SVEP1: variants seen among roughly 807,000 people sequenced by gnomAD.
SVEP1 encodes the protein sushi, von Willebrand factor type A, EGF and pentraxin domain containing 1.
Under a neutral mutation model 367.3 loss-of-function variants are expected in SVEP1, and 164 were observed. The observed-to-expected ratio is 0.45, with a 90% confidence interval of 0.39 to 0.51. The LOEUF (loss-of-function observed/expected upper bound fraction) is 0.51. Among genes scored for constraint, SVEP1 ranks in the 20% least tolerant of loss-of-function variants. The pLI is 0.00. For missense variants in SVEP1, 4,117 were observed against 4,425.3 expected (o/e 0.93, Z 1.98); for synonymous variants, 1,666 against 1,611.6 (o/e 1.03, Z -0.81).
intron 40 of SVEP1, among the ~76,000 whole-genome samples, chr9:110,400,357 G>A (rs955163422): frequency 3.3e-5 from 5 of 150,036 alleles, no homozygotes; most frequent in Non-Finnish European, 5.9e-5. Flanking sequence ...TTTTTTATTT[G>A]AGACTTATTT....
At chr9:110,434,283 G>A in intron 30 of SVEP1, 53 bp downstream of exon 30, 1 of 1,535,450 alleles carries the variant, frequency 6.5e-7, no homozygotes, top group Non-Finnish European at 8.9e-7. Context: ...AAAGAGTTAT[G>A]TTTTCAATAT....
intron 5 of SVEP1, among the ~76,000 whole-genome samples, chr9:110,506,926 A>G (rs1337113666): frequency 6.6e-6 from 1 of 152,102 alleles, no homozygotes; most frequent in Non-Finnish European, 1.5e-5. Context: ...GGGGTAGGGG[A>G]AAGAATAAAT....
intron 3 of SVEP1, among the ~76,000 whole-genome samples, chr9:110,527,685 T>G (rs1318764027): frequency 6.6e-6 from 1 of 152,082 alleles, no homozygotes; most frequent in Admixed American, 6.6e-5. Context: ...CTTAAGTGAA[T>G]TTCATAAAAT....
rs561457155 is a variant in SVEP1 at position 110,544,009 on chromosome 9, G to T, written c.964+2106C>A. Among the ~76,000 whole-genome samples, 22 of 152,236 alleles carry T rather than the reference G, an allele frequency of 1.4e-4. 1 individual carries two copies. The highest frequency in any genetic ancestry group is 1.6e-4 in the Non-Finnish European group (11 of 68,020). On this transcript the variant is annotated intron_variant, in intron 3 of 47. Transcript: ENST00000374469. ...CAAGAAAGGAGTGATTCTGCTGGGT[G>T]AGCATGGATGGTTGGACCCAGGAAG...
intron 25 of SVEP1, 63 bp from the exon 26 acceptor site, chr9:110,446,101 G>C (rs1828593870): frequency 6.9e-6 from 10 of 1,453,970 alleles, no homozygotes; most frequent in Admixed American, 2.0e-5. Flanking sequence ...ATTGTCAGAG[G>C]AAGCAGTGCT....
chr9:110,437,378 G>A (rs780304176), intron 27 of SVEP1, among the ~76,000 whole-genome samples: 11 of 152,186 alleles, frequency 7.2e-5, no homozygotes, highest in Non-Finnish European at 1.5e-4. Flanking sequence ...GTTGTTGCTA[G>A]TCATATGTGT....
At chr9:110,527,174 C>G (rs1829949291) in intron 3 of SVEP1, among the ~76,000 whole-genome samples, 1 of 151,662 alleles carries the variant, frequency 6.6e-6, no homozygotes, top group Non-Finnish European at 1.5e-5. Context: ...CAAGATGTTA[C>G]CATTGGGGAA....
At chr9:110,483,554 C>G (rs769514504) in intron 10 of SVEP1, 32 bp downstream of exon 10, 2 of 1,523,894 alleles carry the variant, frequency 1.3e-6, no homozygotes, top group East Asian at 4.6e-5. Context: ...TTCATTGCTA[C>G]TATGCTGACA....
At chr9:110,386,158 A>G (rs1429810040) in intron 42 of SVEP1, 84 bp from the exon 43 acceptor site, 9 of 1,429,886 alleles carry the variant, frequency 6.3e-6, no homozygotes, top group Non-Finnish European at 8.5e-6. Flanking sequence ...GTAGTCCTAT[A>G]AGAGATGGGT....
In SVEP1 at chr9:110,571,931, C is replaced by CAT. The variant is rs578185011; in HGVS notation, c.531+7081_531+7082insAT. Among the ~76,000 whole-genome samples, 306 of 152,356 alleles carry CAT rather than the reference C, an allele frequency of 2.0e-3. 6 individuals are homozygous for CAT. In the Middle Eastern group the frequency reaches 0.041, roughly 20 times the overall value. ...AAAATGTGTGATTAAATTATACACA[C>CAT]ACATACACACACCAAGTGAAATGCA... On this transcript the variant is annotated intron_variant, in intron 1 of 47. Transcript: ENST00000374469.
At position 110,546,147 on chromosome 9, in the gene SVEP1, T is replaced by C; in HGVS notation, c.932A>G (p.Tyr311Cys). The C allele has an allele frequency of 6.4e-7, 1 of 1,553,170 alleles. No individual in the cohort carries two copies. Among genetic ancestry groups the C allele is most frequent in the Non-Finnish European group, 8.7e-7 (1 of 1,147,586 alleles). ...GHFECICEKG[Y>C]YGKGLQYECT... ...TTCATACTGCAGACCTTTCCCGTAA[T>C]ACCCCTTTTCACAGATGCACTCAAA... The change falls in exon 3 of 48, where the codon TAT (tyrosine) becomes TGT (cysteine). Residue 311 changes from tyrosine to cysteine, a missense_variant. Tyr to Cys is a radical substitution (Grantham distance 194). This residue lies in a region of SVEP1 where 2,174 missense variants were observed against 2,494.3 expected (regional missense o/e 0.87). Transcript: ENST00000374469.
At position 110,559,724 on chromosome 9, in the gene SVEP1, A is replaced by G. The variant is rs148275988; in HGVS notation, c.532-9620T>C. On this transcript the variant is annotated intron_variant, in intron 1 of 47. Transcript: ENST00000374469. ...CTAAGAATATGTTAAGGAAATAACA[A>G]TGGATACACACACAAAATGATCAAA... Among the ~76,000 whole-genome samples the G allele has an allele frequency of 4.5e-3, 692 of 152,282 alleles. 5 individuals carry two copies. Among genetic ancestry groups the G allele is most frequent in the African/African-American group, 0.015 (643 of 41,562 alleles).
In SVEP1 at chr9:110,407,412, A is replaced by G; in HGVS notation, c.8188T>C (p.Phe2730Leu). 6.2e-7 allele frequency: 1 copy of G among 1,614,022 alleles called. No homozygotes were observed. The highest frequency in any genetic ancestry group is 8.5e-7 in the Non-Finnish European group (1 of 1,179,894). The change falls in exon 38 of 48, where the codon TTT becomes CTT. Residue 2730 changes from phenylalanine (F) to leucine (L), a missense_variant. Phe to Leu is a conservative substitution (Grantham distance 22). Transcript: ENST00000374469. ...GCACTTCCCATGCTAGTCTCTGTAA[A>G]ACGCAAAAAGCCATTTTCAGGAGCA... ...PTAPENGFLRFTETSMGSAVQ... is the reference protein window; with the variant it reads ...PTAPENGFLRLTETSMGSAVQ...
rs1188204307 is a variant in SVEP1 at position 110,385,944 on chromosome 9, G to A, written c.10191C>T (p.Thr3397=). The A allele has an allele frequency of 1.2e-6, 2 of 1,613,878 alleles. No individual in the cohort carries two copies. The highest frequency in any genetic ancestry group is 8.5e-7 in the Non-Finnish European group (1 of 1,179,822). The change falls in exon 43 of 48, where the codon ACC becomes ACT. Residue 3397 remains threonine, a synonymous_variant. Coordinates refer to ENST00000374469, the MANE Select transcript of SVEP1 (RefSeq NM_153366.4). ...GFLLQGHGII[T]CNPDETWTQT... ...GTGTCCACGTCTCGTCGGGGTTGCA[G>A]GTAATGATGCCGTGGCCCTGCAGCA...
chr9:110,372,533 G>A (rs1221518591), intron 46 of SVEP1, among the ~76,000 whole-genome samples: 1 of 152,168 alleles, frequency 6.6e-6, no homozygotes, highest in East Asian at 1.9e-4. Flanking sequence ...AAATAAATCA[G>A]ATCTATTTAT....
intron 5 of SVEP1, among the ~76,000 whole-genome samples, chr9:110,507,630 T>C (rs2118764634): frequency 1.3e-5 from 2 of 152,340 alleles, no homozygotes; most frequent in Non-Finnish European, 2.9e-5. Flanking sequence ...GCCTTCCGTG[T>C]TTTAATTTTT....
Position 110,411,232 on chromosome 9 carries a change from G to A in SVEP1, c.6479C>T (p.Ser2160Leu). Reference sequence around the variant, plus strand: ...CACCATGGCTCCAAAACTGTAGTTTGATCCACTTGCATAGCCATTCATGAT... The same window carrying A: ...CACCATGGCTCCAAAACTGTAGTTTAATCCACTTGCATAGCCATTCATGAT... ...PSIMNGYASGSNYSFGAMVAY... is the reference protein window; with the variant it reads ...PSIMNGYASGLNYSFGAMVAY... Residue 2160 changes from serine to leucine, a missense_variant, in exon 37 of 48, where the codon TCA becomes TTA. Physicochemically the swap from Ser to Leu is moderately radical, Grantham distance 145 (BLOSUM62 -2). Transcript: ENST00000374469. 6.2e-7 allele frequency: 1 copy of A among 1,614,002 alleles called. No individual in the cohort carries two copies. The highest frequency in any genetic ancestry group is 8.5e-7 in the Non-Finnish European group (1 of 1,179,890).
At chr9:110,530,687 C>T (rs1471237370) in intron 3 of SVEP1, among the ~76,000 whole-genome samples, 3 of 152,010 alleles carry the variant, frequency 2.0e-5, no homozygotes, top group Non-Finnish European at 4.4e-5. Context: ...CAGATGCACA[C>T]CACAGTGACC....
intron 16 of SVEP1, among the ~76,000 whole-genome samples, chr9:110,470,170 G>A (rs374928565): frequency 1.7e-4 from 26 of 152,168 alleles, no homozygotes; most frequent in Middle Eastern, 3.4e-3. Context: ...GTCTAGAATC[G>A]GGCTTAAAAG....
Sources: allele counts gnomAD v4.1 joint callset (sites outside exome capture counted in the v4.1 genomes callset), GRCh38; gene constraint gnomAD v4.1.1; regional missense constraint gnomAD v4.1.1; transcripts MANE v1.5; gene names NCBI Gene and HGNC (gene_info 2026-07-23, HGNC 2026-07-21).